The following SLC7A14 variants were observed in gnomAD, a reference collection of about 807,000 sequenced individuals.
SLC7A14 encodes solute carrier family 7 member 14.
SLC7A14 carries 37 observed loss-of-function variants against 60.2 expected under a neutral mutation model. That is an observed-to-expected ratio of 0.61 (90% CI 0.47 to 0.81). SLC7A14 has a LOEUF of 0.81. SLC7A14 is among the 30% of genes least tolerant of loss of function. The pLI is 0.00. For synonymous variants in SLC7A14, 399 were observed against 395.8 expected (o/e 1.01, Z -0.10); for missense variants, 886 against 982.7 (o/e 0.90, Z 1.32).
intron 1 of SLC7A14, among the ~76,000 whole-genome samples, chr3:170,553,649 A>C (rs1010132308): frequency 6.6e-6 from 1 of 152,248 alleles, no homozygotes; most frequent in Non-Finnish European, 1.5e-5. Flanking sequence ...AGCTGAGGCT[A>C]TGAACAGTTG....
intron 7 of SLC7A14, among the ~76,000 whole-genome samples, chr3:170,472,909 T>C (rs1001598565): frequency 2.0e-5 from 3 of 152,226 alleles, no homozygotes; most frequent in African/African-American, 7.2e-5. Flanking sequence ...AATCATGCCT[T>C]TAGCAATTGA....
rs889079272 is a variant in SLC7A14, at chr3:170,461,123, A to C, written c.*5932T>G. ...GAGATGGGGTTTCTCCATGTTGGTC[A>C]GGCTGGTCTTGAACTCCTGGCCTCA... On this transcript the variant is annotated 3_prime_UTR_variant, in exon 8 of 8. Transcript: ENST00000231706. 3 of 152,222 alleles carry C rather than the reference A, an allele frequency of 2.0e-5. No individual in the cohort carries two copies. Among genetic ancestry groups the C allele is most frequent in the African/African-American group, 7.2e-5 (3 of 41,444 alleles). 9.4% of individuals were successfully genotyped at this position (152,222 alleles called of 1,614,324 possible).
intron 1 of SLC7A14, among the ~76,000 whole-genome samples, chr3:170,546,955 A>G (rs886547316): frequency 3.3e-5 from 5 of 152,176 alleles, no homozygotes; most frequent in African/African-American, 1.2e-4. Flanking sequence ...GGGAGCTTTT[A>G]AAAATAATAA....
At position 170,466,979 on chromosome 3, in the gene SLC7A14, A is replaced by T; in HGVS notation, c.*76T>A. 1 of 1,324,484 alleles carries T rather than the reference A, an allele frequency of 7.6e-7. No homozygotes were observed. The highest frequency in any genetic ancestry group is 1.0e-6 in the Non-Finnish European group (1 of 967,194). The allele number at this position is 1,324,484 out of a possible 1,614,324, so 82.0% of individuals were successfully genotyped here. A position where few individuals can be genotyped will look rare whatever the true frequency, so the allele number is the denominator to read the frequency against. Reference sequence around the variant, plus strand: ...GGATTTGTGAAATGAGAGCCAAAAAAGTTTTCACCTTCTAGCCCACAGGTT... The same window carrying T: ...GGATTTGTGAAATGAGAGCCAAAAATGTTTTCACCTTCTAGCCCACAGGTT... On this transcript the variant is annotated 3_prime_UTR_variant, in exon 8 of 8. Transcript: ENST00000231706.
At chr3:170,472,857 G>A (rs1346346730) in intron 7 of SLC7A14, among the ~76,000 whole-genome samples, 1 of 152,124 alleles carries the variant, frequency 6.6e-6, no homozygotes, top group African/African-American at 2.4e-5. Flanking sequence ...GTTCCCCAGT[G>A]GAAAATGTGT....
At chr3:170,474,274 G>A (rs1188673061) in intron 7 of SLC7A14, among the ~76,000 whole-genome samples, 5 of 152,314 alleles carry the variant, frequency 3.3e-5, no homozygotes, top group Admixed American at 2.0e-4. Flanking sequence ...GGTAAGCTGC[G>A]CATGCCAGCT....
chr3:170,578,753 G>A (rs1282598550), intron 1 of SLC7A14, among the ~76,000 whole-genome samples: 2 of 152,096 alleles, frequency 1.3e-5, no homozygotes, highest in Non-Finnish European at 2.9e-5. Context: ...CGGTCTTAAG[G>A]AGGCAAATAA....
intron 1 of SLC7A14, among the ~76,000 whole-genome samples, chr3:170,556,117 C>T (rs1368095229): frequency 6.6e-6 from 1 of 152,204 alleles, no homozygotes; most frequent in Non-Finnish European, 1.5e-5. Flanking sequence ...CCTCCCTGGG[C>T]TTCAGTTTCT....
chr3:170,504,833 C>T (rs1712724097), intron 2 of SLC7A14, among the ~76,000 whole-genome samples: 1 of 152,110 alleles, frequency 6.6e-6, no homozygotes, highest in South Asian at 2.1e-4. Context: ...ACCAATGGTT[C>T]TCAGTGAAGG....
At chr3:170,474,350 G>C (rs1031870182) in intron 7 of SLC7A14, among the ~76,000 whole-genome samples, 7 of 152,140 alleles carry the variant, frequency 4.6e-5, no homozygotes, top group African/African-American at 1.7e-4. Flanking sequence ...GCCACTGATT[G>C]CAAAGCCCTG....
chr3:170,491,494 A>G (rs1468238956), intron 4 of SLC7A14, among the ~76,000 whole-genome samples: 1 of 152,206 alleles, frequency 6.6e-6, no homozygotes, highest in African/African-American at 2.4e-5. Context: ...ACAAAATTTC[A>G]ATGAGGGACT....
intron 4 of SLC7A14, among the ~76,000 whole-genome samples, chr3:170,492,494 G>A (rs1712253910): frequency 6.6e-6 from 1 of 152,106 alleles, no homozygotes; most frequent in Admixed American, 6.6e-5. Flanking sequence ...GACAGAGTGA[G>A]ACTCTGCCTC....
At chr3:170,516,808 G>A (rs957084777) in intron 2 of SLC7A14, among the ~76,000 whole-genome samples, 2 of 152,016 alleles carry the variant, frequency 1.3e-5, no homozygotes, top group Admixed American at 6.6e-5. Flanking sequence ...GTTTGTGTCT[G>A]TATGAAGCAG....
rs188274839 is a variant in SLC7A14, at chr3:170,565,863, G to A, written c.-153+20048C>T. 9.3e-4 allele frequency among the ~76,000 whole-genome samples: 142 copies of A among 152,110 alleles called. 1 individual carries two copies. The highest frequency in any genetic ancestry group is 3.2e-3 in the African/African-American group (133 of 41,498). ...GAAAATACTGCATCAGAAGAGTAAT[G>A]GAAAAAAACAAGAAATGGGAGGTAG... On this transcript the variant is annotated intron_variant, in intron 1 of 7. Coordinates refer to ENST00000231706, the MANE Select transcript of SLC7A14 (RefSeq NM_020949.3).
intron 1 of SLC7A14, chr3:170,570,494 G>A (rs1006668020): frequency 8.3e-5 from 10 of 120,034 alleles, no homozygotes; most frequent in South Asian, 2.7e-4. Flanking sequence ...ATAAAAAGAG[G>A]GTCCAAATAG....
intron 2 of SLC7A14, among the ~76,000 whole-genome samples, chr3:170,510,994 C>T (rs751001806): frequency 4.6e-5 from 7 of 152,144 alleles, no homozygotes; most frequent in Non-Finnish European, 1.0e-4. Flanking sequence ...AGTGAGGTGT[C>T]GTAGAATTCA....
At chr3:170,525,731 A>G (rs993579555) in intron 2 of SLC7A14, among the ~76,000 whole-genome samples, 1 of 152,222 alleles carries the variant, frequency 6.6e-6, no homozygotes, top group South Asian at 2.1e-4. Flanking sequence ...AGAAGCTGGG[A>G]GGTGTATGAG....
At chr3:170,489,182 T>C (rs1002123792) in intron 4 of SLC7A14, among the ~76,000 whole-genome samples, 1 of 152,150 alleles carries the variant, frequency 6.6e-6, no homozygotes, top group Non-Finnish European at 1.5e-5. Flanking sequence ...ACCCACAGAA[T>C]AGGAGAAAAT....
At chr3:170,519,001 C>T (rs757189585) in intron 2 of SLC7A14, among the ~76,000 whole-genome samples, 9 of 152,186 alleles carry the variant, frequency 5.9e-5, no homozygotes, top group Non-Finnish European at 1.0e-4. Flanking sequence ...AAGTCTATGG[C>T]ACACACAATC....
Sources: gnomAD v4.1 joint callset for allele counts (sites outside exome capture counted in the v4.1 genomes callset) on GRCh38, gnomAD v4.1.1 for gene constraint, MANE v1.5 for transcripts, NCBI Gene and HGNC (gene_info 2026-07-23, HGNC 2026-07-21) for gene names.